Variants in ATAD2B observed in about 807,000 individuals in gnomAD.
The protein encoded by ATAD2B is ATPase family AAA domain-containing protein 2B.
Under a neutral mutation model 167.6 loss-of-function variants are expected in ATAD2B, and 40 were observed. The observed-to-expected ratio is 0.24, with a 90% CI of 0.19 to 0.31. The LOEUF (loss-of-function observed/expected upper bound fraction) is 0.31, where lower values mean the gene tolerates loss of function less well. Among genes scored for constraint, ATAD2B ranks in the 10% least tolerant of loss-of-function variants. The pLI, the probability that ATAD2B is intolerant of heterozygous loss-of-function variation, is 1.00. For synonymous variants in ATAD2B, 579 were observed against 596.5 expected (o/e 0.97, Z 0.43); for missense variants, 1,242 against 1,757.2 (o/e 0.71, Z 5.24).
the ATAD2B span, chr2:23,703,268 G>A: frequency 1.0e-5 from 16 of 1,548,114 alleles, no homozygotes; most frequent in Admixed American, 2.0e-5. Context: ...AGTGTGTGGC[G>A]GCAAGATCTA....
intron 6 of ATAD2B, among the ~76,000 whole-genome samples, chr2:23,881,136 A>G (rs1275060394): frequency 6.6e-6 from 1 of 152,198 alleles, no homozygotes; most frequent in African/African-American, 2.4e-5. Flanking sequence ...TTAGTATTCA[A>G]ATACCACTTG....
the ATAD2B span, chr2:23,706,379 A>AAAGGCAC: frequency 1.1e-6 from 1 of 914,712 alleles, no homozygotes; most frequent in Non-Finnish European, 1.5e-6. Context: ...GCCTTCTGCA[A>AAAGGCAC]AAGGCACAGG....
intron 19 of ATAD2B, among the ~76,000 whole-genome samples, chr2:23,790,247 A>G (rs1032975061): frequency 1.3e-5 from 2 of 152,166 alleles, no homozygotes; most frequent in African/African-American, 2.4e-5. Context: ...GTATCAGAAG[A>G]AAAGCATTAT....
intron 13 of ATAD2B, among the ~76,000 whole-genome samples, chr2:23,851,014 A>G (rs1692478102): frequency 6.6e-6 from 1 of 152,216 alleles, no homozygotes; most frequent in East Asian, 1.9e-4. Flanking sequence ...TAAGGACACA[A>G]GAGAAGTCAT....
At chr2:23,701,382 T>C in the ATAD2B span, among the ~76,000 whole-genome samples, 1 of 152,222 alleles carries the variant, frequency 6.6e-6, no homozygotes. Context: ...GTGATCTCTC[T>C]AGATGCCAAA....
At chr2:23,745,225 G>T (rs761973572), downstream of ATAD2B, among the ~76,000 whole-genome samples, 1 of 151,928 alleles carries the variant, frequency 6.6e-6, no homozygotes, top group Non-Finnish European at 1.5e-5. Flanking sequence ...AGGCAGAGGC[G>T]GCAGTGAGCC....
the ATAD2B span, among the ~76,000 whole-genome samples, chr2:23,725,580 G>A: frequency 6.6e-6 from 1 of 152,058 alleles, no homozygotes; most frequent in African/African-American, 2.4e-5. Flanking sequence ...GGTACATTGT[G>A]AAAAGTTAGG....
chr2:23,757,456 G>C lies in ATAD2B; in HGVS notation c.4040C>G (p.Ser1347Cys), dbSNP rs929684870. 2.0e-6 allele frequency: 3 copies of C among 1,516,830 alleles called. No individual in the cohort carries two copies. Among genetic ancestry groups the C allele is most frequent in the African/African-American group, 2.8e-5 (2 of 71,082 alleles). 94.0% of individuals were successfully genotyped at this position (1,516,830 alleles called of 1,614,324 possible). The change falls in exon 25 of 28, where the codon TCT becomes TGT. Residue 1347 changes from serine (S) to cysteine (C), a missense_variant. This residue lies in a region of ATAD2B where 282 missense variants were observed against 346.8 expected (regional missense o/e 0.81). Transcript: ENST00000238789. ...TTCTGCATCTTTAACCTCCACATCA[G>C]AGCCAGGTTCTAACTTCTCATTATT... is the stretch of plus-strand genomic sequence containing the variant. Reference protein sequence around the residue: ...CSNNEKLEPGSDVEVKDAELD... With the variant: ...CSNNEKLEPGCDVEVKDAELD...
chr2:23,874,281 C>T (rs1039351769), intron 8 of ATAD2B, among the ~76,000 whole-genome samples: 6 of 151,840 alleles, frequency 4.0e-5, no homozygotes, highest in African/African-American at 1.5e-4. Context: ...AATCAAAGAC[C>T]TAAACATAAC....
intron 1 of ATAD2B, among the ~76,000 whole-genome samples, chr2:23,913,377 C>T (rs945063883): frequency 2.0e-5 from 3 of 152,214 alleles, no homozygotes; most frequent in Admixed American, 6.5e-5. Flanking sequence ...GGCTCACTCA[C>T]GCCTGTAATC....
intron 18 of ATAD2B, among the ~76,000 whole-genome samples, chr2:23,801,388 A>C (rs1400597764): frequency 6.6e-6 from 1 of 152,152 alleles, no homozygotes; most frequent in Non-Finnish European, 1.5e-5. Context: ...GTTTCAATGA[A>C]GCGGCAACTG....
At chr2:23,844,567 T>C (rs1011105763) in intron 13 of ATAD2B, among the ~76,000 whole-genome samples, 2 of 152,172 alleles carry the variant, frequency 1.3e-5, no homozygotes, top group East Asian at 1.9e-4. Flanking sequence ...TGTATATGTA[T>C]AGATGAAAAC....
At chr2:23,748,000 A>T (rs1395214307), downstream of ATAD2B, among the ~76,000 whole-genome samples, 1 of 152,162 alleles carries the variant, frequency 6.6e-6, no homozygotes, top group Admixed American at 6.6e-5. Flanking sequence ...AGTGTTAAAA[A>T]TATGTTTTGC....
chr2:23,760,556 G>C (rs969534297), intron 24 of ATAD2B, among the ~76,000 whole-genome samples: 6 of 151,840 alleles, frequency 4.0e-5, no homozygotes, highest in African/African-American at 1.5e-4. Context: ...CCAGTAGCTT[G>C]GGAAGCTGAG....
At chr2:23,814,740 G>C (rs748140226) in intron 17 of ATAD2B, among the ~76,000 whole-genome samples, 4 of 152,072 alleles carry the variant, frequency 2.6e-5, no homozygotes, top group African/African-American at 7.2e-5. Flanking sequence ...GGCTACAAAG[G>C]GTTTTGTAAG....
intron 13 of ATAD2B, among the ~76,000 whole-genome samples, chr2:23,854,486 T>C (rs976455863): frequency 6.6e-6 from 1 of 151,936 alleles, no homozygotes; most frequent in South Asian, 2.1e-4. Flanking sequence ...TAGACCAGCC[T>C]GGCCAATATG....
the ATAD2B span, among the ~76,000 whole-genome samples, chr2:23,730,448 C>G: frequency 6.6e-6 from 1 of 151,746 alleles, no homozygotes; most frequent in Non-Finnish European, 1.5e-5. Flanking sequence ...AGGCGGATCA[C>G]AAGGTCAGGA....
At chr2:23,763,764 C>T (rs1485272519) in intron 23 of ATAD2B, among the ~76,000 whole-genome samples, 2 of 151,978 alleles carry the variant, frequency 1.3e-5, no homozygotes, top group East Asian at 1.9e-4. Flanking sequence ...TAATATTTCT[C>T]ACTTTTTTGT....
At chr2:23,738,557 C>A in the ATAD2B span, among the ~76,000 whole-genome samples, 1 of 152,176 alleles carries the variant, frequency 6.6e-6, no homozygotes, top group Non-Finnish European at 1.5e-5. Flanking sequence ...AAGCACTAAA[C>A]ATGGAAAGGA....
Sources: allele counts gnomAD v4.1 joint callset (sites outside exome capture counted in the v4.1 genomes callset), GRCh38; gene constraint gnomAD v4.1.1; regional missense constraint gnomAD v4.1.1; transcripts MANE v1.5; gene names NCBI Gene and HGNC (gene_info 2026-07-23, HGNC 2026-07-21).